The following C9orf85 variants were observed in gnomAD, a reference collection of about 807,000 sequenced individuals.
The protein encoded by C9orf85 is chromosome 9 open reading frame 85.
A neutral mutation model predicts 14.9 loss-of-function variants in C9orf85; 16 were observed. The ratio of observed to expected loss-of-function variants is 1.08; its 90% CI spans 0.73 to 1.63. The LOEUF is 1.63. Ranked by LOEUF, C9orf85 falls within the 40% of genes most tolerant of loss-of-function variation. The probability of loss-of-function intolerance (pLI) is 0.00; values close to 1 mark genes in which losing one functional copy is unlikely to be tolerated. For synonymous variants in C9orf85, 45 were observed against 56.8 expected, an observed-to-expected ratio of 0.79 and a Z score of 0.93; for missense variants, 172 against 186.1, an observed-to-expected ratio of 0.92 and a Z score of 0.44.
chr9:71,927,905 G>A (rs1827968624), intron 1 of C9orf85, among the ~76,000 whole-genome samples: 2 of 152,022 alleles, frequency 1.3e-5, no homozygotes, highest in African/African-American at 4.8e-5. Context: ...GCATTTCATG[G>A]CCAGGCACAG....
At chr9:71,985,055 A>C (rs1823183421), downstream of C9orf85, 1 of 152,226 alleles carries the variant, frequency 6.6e-6, no homozygotes, top group South Asian at 2.1e-4. Context: ...TCTTGTCCTC[A>C]TCAAGTACTG....
intron 2 of C9orf85, 39 bp downstream of exon 2, chr9:71,947,151 T>A: frequency 7.9e-7 from 1 of 1,273,460 alleles, no homozygotes; most frequent in Non-Finnish European, 1.1e-6. Flanking sequence ...TGGTGGTATA[T>A]GTATCATAGT....
chr9:71,967,038 T>G (rs183901093), intron 2 of C9orf85, among the ~76,000 whole-genome samples: 45 of 152,326 alleles, frequency 3.0e-4, no homozygotes, highest in African/African-American at 9.9e-4. Context: ...TCTGGCTTGT[T>G]TTTTCATTCT....
downstream of C9orf85, chr9:71,985,142 C>A (rs2132384551): frequency 6.6e-6 from 1 of 152,338 alleles, no homozygotes; most frequent in East Asian, 1.9e-4. Context: ...AAAAGAGTTA[C>A]CTCACCCACC....
intron 3 of C9orf85, among the ~76,000 whole-genome samples, chr9:71,972,154 C>T (rs1028744891): frequency 3.3e-5 from 5 of 151,994 alleles, no homozygotes; most frequent in African/African-American, 9.7e-5. Context: ...AAAAGAATTA[C>T]ACATTATTTA....
At chr9:71,941,166 AAAG>A (rs1384172715) in intron 1 of C9orf85, among the ~76,000 whole-genome samples, 2 of 152,238 alleles carry the variant, frequency 1.3e-5, no homozygotes, top group African/African-American at 2.4e-5. Flanking sequence ...ATTAATATAG[AAAG>A]AAAAGAATTC....
In C9orf85 at chr9:71,973,418, C is replaced by T; in HGVS notation, c.*576C>T. The stretch of plus-strand genomic sequence containing the variant: ...TCAAAAATTGGTCCTCGGTAAGTGC[C>T]TTTTGATAAATGATCTCAAATAAAT... On this transcript the variant is annotated 3_prime_UTR_variant, in exon 4 of 4. Transcript: ENST00000334731. 1 of 152,018 alleles carries T rather than the reference C, an allele frequency of 6.6e-6. No individual in the cohort carries two copies. Among genetic ancestry groups the T allele is most frequent in the East Asian group, 1.9e-4 (1 of 5,200 alleles). 9.4% of individuals were successfully genotyped at this position (152,018 alleles called of 1,614,324 possible). A position where few individuals can be genotyped will look rare whatever the true frequency, so the allele number is the denominator to read the frequency against.
intron 3 of C9orf85, among the ~76,000 whole-genome samples, chr9:71,981,491 CT>C (rs1564104974): frequency 6.6e-6 from 1 of 152,200 alleles, no homozygotes; most frequent in Non-Finnish European, 1.5e-5. Context: ...GAGTTGGAAG[CT>C]TTAGAAGGAG....
exon 4 of C9orf85, chr9:71,983,220 T>C (rs1589279915): frequency 6.6e-6 from 1 of 152,616 alleles, no homozygotes; most frequent in East Asian, 1.9e-4. Flanking sequence ...GGTCTCCATC[T>C]ACTGACCTTG....
chr9:71,963,590 T>G (rs960956913), intron 2 of C9orf85, among the ~76,000 whole-genome samples: 7 of 152,154 alleles, frequency 4.6e-5, no homozygotes, highest in African/African-American at 1.7e-4. Flanking sequence ...GCGGGCCAGC[T>G]GGAGTTCCGG....
downstream of C9orf85, among the ~76,000 whole-genome samples, chr9:71,976,586 C>T (rs1185854486): frequency 1.3e-5 from 2 of 150,664 alleles, no homozygotes; most frequent in African/African-American, 2.5e-5. Context: ...GGCATGAACC[C>T]GGGAGGCGGA....
At chr9:71,934,021 T>C (rs1828131247) in intron 1 of C9orf85, among the ~76,000 whole-genome samples, 1 of 152,178 alleles carries the variant, frequency 6.6e-6, no homozygotes, top group Admixed American at 6.5e-5. Flanking sequence ...TATATTGATT[T>C]ATGACTTTGC....
At chr9:71,963,052 G>A (rs1344039123) in intron 2 of C9orf85, among the ~76,000 whole-genome samples, 1 of 151,642 alleles carries the variant, frequency 6.6e-6, no homozygotes, top group African/African-American at 2.4e-5. Flanking sequence ...GTGAAACTCC[G>A]TCTCACCAAA....
chr9:71,945,271 T>G (rs1822054698), intron 1 of C9orf85, among the ~76,000 whole-genome samples: 1 of 152,222 alleles, frequency 6.6e-6, no homozygotes, highest in Non-Finnish European at 1.5e-5. Context: ...ATTTCTTAGC[T>G]AGCTTTGTCC....
chr9:71,942,114 A>C (rs183846566), intron 1 of C9orf85, among the ~76,000 whole-genome samples: 1 of 152,344 alleles, frequency 6.6e-6, no homozygotes, highest in East Asian at 1.9e-4. Flanking sequence ...ATTCCTGCAG[A>C]TCCTATGACT....
At chr9:71,932,211 C>T (rs943863710) in intron 1 of C9orf85, among the ~76,000 whole-genome samples, 1 of 152,132 alleles carries the variant, frequency 6.6e-6, no homozygotes, top group African/African-American at 2.4e-5. Context: ...TTTGTACACA[C>T]TCAGTTTGTA....
At chr9:71,927,817 TAAAA>T (rs1827967151) in intron 1 of C9orf85, among the ~76,000 whole-genome samples, 1 of 152,204 alleles carries the variant, frequency 6.6e-6, no homozygotes, top group African/African-American at 2.4e-5. Flanking sequence ...AATATAACAT[TAAAA>T]ACACGGGGTT....
At chr9:71,954,855 G>C (rs1822342655) in intron 2 of C9orf85, among the ~76,000 whole-genome samples, 1 of 152,154 alleles carries the variant, frequency 6.6e-6, no homozygotes, top group Admixed American at 6.5e-5. Flanking sequence ...TCCTATTCAA[G>C]ATGGAGTTGC....
chr9:71,982,662 G>A, exon 4 of C9orf85: 2 of 333,596 alleles, frequency 6.0e-6, no homozygotes, highest in Non-Finnish European at 1.1e-5. Context: ...TTCAGATGGA[G>A]TCTCCCTCTG....
Sources: gnomAD v4.1 joint callset for allele counts (sites outside exome capture counted in the v4.1 genomes callset) on GRCh38, gnomAD v4.1.1 for gene constraint, MANE v1.5 for transcripts, NCBI Gene and HGNC (gene_info 2026-07-23, HGNC 2026-07-21) for gene names.